Variants in FILIP1 observed in about 807,000 individuals in gnomAD.
FILIP1 encodes filamin A interacting protein 1, also known as filamin-A-interacting protein 1.
A neutral mutation model predicts 102.1 loss-of-function variants in FILIP1; 61 were observed. The observed-to-expected ratio is 0.60, with a 90% CI of 0.49 to 0.74. The LOEUF (loss-of-function observed/expected upper bound fraction) is 0.74, where lower values mean the gene tolerates loss of function less well. Ranked by LOEUF, FILIP1 falls within the 30% of genes least tolerant of loss-of-function variation. The probability of loss-of-function intolerance (pLI) is 0.00; values close to 1 mark genes in which losing one functional copy is unlikely to be tolerated. For missense variants in FILIP1, 1,314 were observed against 1,441.2 expected, an observed-to-expected ratio of 0.91 and a Z score of 1.43; for synonymous variants, 491 against 526.9, an observed-to-expected ratio of 0.93 and a Z score of 0.93.
In FILIP1 at chr6:75,314,942, A is replaced by G. The variant is rs1165045569; in HGVS notation, c.890T>C (p.Leu297Pro). ...SKSKEDRQKL[L>P]KLEVDFEHKA... ...GTGTTCAAAGTCCACTTCTAACTTG[A>G]GCAATTTCTGTCTGTCTTCTTTGGA... The change falls in exon 5 of 6, where the codon CTC becomes CCC. Residue 297 changes from leucine to proline, a missense_variant. By Grantham distance (98) the Leu-to-Pro change is moderately conservative. This residue lies in a region of FILIP1 where 494 missense variants were observed against 511.2 expected (regional missense o/e 0.97). Coordinates refer to ENST00000237172, the MANE Select transcript of FILIP1 (RefSeq NM_015687.5). 1.2e-6 allele frequency: 2 copies of G among 1,614,044 alleles called. No homozygotes were observed. Among genetic ancestry groups the G allele is most frequent in the Non-Finnish European group, 1.7e-6 (2 of 1,180,022 alleles).
At chr6:75,491,200 G>C (rs1212723727) in intron 1 of FILIP1, among the ~76,000 whole-genome samples, 2 of 152,126 alleles carry the variant, frequency 1.3e-5, no homozygotes, top group African/African-American at 2.4e-5. Flanking sequence ...TACAGGACCA[G>C]AGAGTAAATG....
chr6:75,379,698 C>T (rs1365205292), intron 2 of FILIP1, among the ~76,000 whole-genome samples: 1 of 152,220 alleles, frequency 6.6e-6, no homozygotes, highest in Non-Finnish European at 1.5e-5. Context: ...GCCTCAGACT[C>T]TCCAGGCACG....
chr6:75,348,584 C>G (rs1774676218), intron 4 of FILIP1, among the ~76,000 whole-genome samples: 1 of 152,090 alleles, frequency 6.6e-6, no homozygotes, highest in Non-Finnish European at 1.5e-5. Context: ...AATTTTTATA[C>G]AAGATGAGTT....
At chr6:75,357,021 A>T (rs944885285) in intron 3 of FILIP1, among the ~76,000 whole-genome samples, 9 of 152,144 alleles carry the variant, frequency 5.9e-5, no homozygotes, top group African/African-American at 2.2e-4. Context: ...TTTGGAAACT[A>T]TTTGAAGATC....
Position 75,313,004 on chromosome 6 carries a change from G to A in FILIP1, c.2828C>T (p.Pro943Leu). Residue 943 changes from proline (P) to leucine (L), a missense_variant, in exon 5 of 6, where the codon CCT becomes CTT. By Grantham distance (98) the Pro-to-Leu change is moderately conservative. Around this residue, in one of 3 missense-constraint regions of FILIP1, gnomAD observed 816 missense variants for 913.1 expected, o/e 0.89. Transcript: ENST00000237172. The surrounding 1 kb of genome is among the most constrained non-coding windows in gnomAD (Gnocchi z 4.2). The stretch of plus-strand genomic sequence containing the variant: ...TCTTGGTTTCTGATTCCCTAAGGTA[G>A]GAATGACAGTGGTACTAGAAAAAAA... ...EEFFSSTTVI[P>L]TLGNQKPRIT... is the part of the protein sequence containing the mutation. 1 of 1,614,128 alleles carries A rather than the reference G, an allele frequency of 6.2e-7. No individual in the cohort carries two copies. The highest frequency in any genetic ancestry group is 8.5e-7 in the Non-Finnish European group (1 of 1,180,022).
chr6:75,319,066 TCAC>T, intron 4 of FILIP1: 1 of 741,436 alleles, frequency 1.3e-6, no homozygotes, highest in Non-Finnish European at 2.4e-6. Context: ...TTCATCTTCT[TCAC>T]CTTCTTCCTC....
rs1226747121 is a variant in FILIP1, at chr6:75,313,519, A to T, written c.2313T>A (p.Asn771Lys). The T allele has an allele frequency of 6.2e-7, 1 of 1,614,194 alleles. No homozygotes were observed. The highest frequency in any genetic ancestry group is 1.1e-5 in the South Asian group (1 of 91,086). The part of the protein sequence containing the change: ...KNKNMGQEVL[N>K]LTKELELSKR... ...TGGAAAGCTCCAACTCTTTGGTCAG[A>T]TTGAGAACCTCCTGCCCCATGTTTT... The change falls in exon 5 of 6, where the codon AAT becomes AAA. Residue 771 changes from asparagine to lysine, a missense_variant. Asn to Lys is a moderately conservative substitution (Grantham distance 94). This residue lies in a region of FILIP1 where 816 missense variants were observed against 913.1 expected (regional missense o/e 0.89). Transcript: ENST00000237172. This position sits in a 1 kb window ranked among gnomAD's most constrained non-coding sequence, Gnocchi z 4.2.
chr6:75,487,964 G>GA (rs553779060), intron 1 of FILIP1, among the ~76,000 whole-genome samples: 2 of 152,022 alleles, frequency 1.3e-5, no homozygotes, highest in Non-Finnish European at 2.9e-5. Flanking sequence ...AATAAAAACA[G>GA]AAAAAACCTT....
intron 4 of FILIP1, chr6:75,319,888 C>A: frequency 2.2e-6 from 1 of 457,398 alleles, no homozygotes. Flanking sequence ...CACCTGGGTG[C>A]TTCTTCTTAT....
Position 75,436,531 on chromosome 6 carries a change from G to A in FILIP1, c.-6-21553C>T, listed in dbSNP as rs114466750. On this transcript the variant is annotated intron_variant, in intron 1 of 5. Coordinates refer to ENST00000237172, the MANE Select transcript of FILIP1 (RefSeq NM_015687.5). ...CAAGGGAATCATAGATTACCTTGAGGCTGCATTTACTTAGAAAGCATACTT... is the reference window on the plus strand; with the variant it reads ...CAAGGGAATCATAGATTACCTTGAGACTGCATTTACTTAGAAAGCATACTT... 4.2e-3 allele frequency among the ~76,000 whole-genome samples: 637 copies of A among 152,272 alleles called. 3 individuals carry two copies. Among genetic ancestry groups the A allele is most frequent in the African/African-American group, 0.015 (606 of 41,556 alleles).
intron 4 of FILIP1, among the ~76,000 whole-genome samples, chr6:75,335,035 G>A (rs1166126107): frequency 6.6e-6 from 1 of 152,078 alleles, no homozygotes; most frequent in African/African-American, 2.4e-5. Flanking sequence ...GAAAAGATAT[G>A]CATAAAATGT....
At chr6:75,317,528 G>T (rs893551768) in intron 4 of FILIP1, among the ~76,000 whole-genome samples, 4 of 152,118 alleles carry the variant, frequency 2.6e-5, no homozygotes, top group Non-Finnish European at 1.5e-5. Flanking sequence ...AAATATTTTT[G>T]TCATTATCCT....
chr6:75,405,206 G>C (rs1356850761), intron 2 of FILIP1, among the ~76,000 whole-genome samples: 1 of 152,126 alleles, frequency 6.6e-6, no homozygotes, highest in Non-Finnish European at 1.5e-5. Context: ...AAGTCACACT[G>C]TTTTGGTCTT....
At chr6:75,304,452 G>A (rs1772926145), downstream of FILIP1, among the ~76,000 whole-genome samples, 1 of 152,156 alleles carries the variant, frequency 6.6e-6, no homozygotes, top group African/African-American at 2.4e-5. Flanking sequence ...CTGAGCTCTA[G>A]TCATTCACCT....
intron 5 of FILIP1, 26 bp downstream of exon 5, chr6:75,312,371 T>C: frequency 6.3e-7 from 1 of 1,596,760 alleles, no homozygotes; most frequent in Non-Finnish European, 8.5e-7. Flanking sequence ...TCTGCAGGCC[T>C]GCGCTTTGGA....
At chr6:75,333,522 T>C (rs918904209) in intron 4 of FILIP1, among the ~76,000 whole-genome samples, 5 of 152,282 alleles carry the variant, frequency 3.3e-5, no homozygotes, top group African/African-American at 1.2e-4. Flanking sequence ...ATCAATGTAG[T>C]GAACCCAAGA....
At chr6:75,382,073 G>C (rs1484641493) in intron 2 of FILIP1, among the ~76,000 whole-genome samples, 1 of 152,216 alleles carries the variant, frequency 6.6e-6, no homozygotes, top group Non-Finnish European at 1.5e-5. Flanking sequence ...ATCCACAAGT[G>C]GTGCCATCCA....
At chr6:75,439,957 C>T (rs753101382) in intron 1 of FILIP1, among the ~76,000 whole-genome samples, 1 of 152,200 alleles carries the variant, frequency 6.6e-6, no homozygotes, top group Non-Finnish European at 1.5e-5. Flanking sequence ...CATGGATATC[C>T]TACCTCACCT....
At chr6:75,426,977 T>A (rs1338404101) in intron 1 of FILIP1, among the ~76,000 whole-genome samples, 3 of 152,108 alleles carry the variant, frequency 2.0e-5, no homozygotes, top group Non-Finnish European at 1.5e-5. Context: ...AGATACTGGA[T>A]GTGTTTCCCC....
Sources: allele counts gnomAD v4.1 joint callset (sites outside exome capture counted in the v4.1 genomes callset), GRCh38; gene constraint gnomAD v4.1.1; regional missense constraint gnomAD v4.1.1; non-coding constraint Gnocchi (gnomAD v3.1); transcripts MANE v1.5; gene names NCBI Gene and HGNC (gene_info 2026-07-23, HGNC 2026-07-21).